The following LETM1 variants were observed in gnomAD, a reference collection of about 807,000 sequenced individuals.
LETM1 encodes the protein leucine zipper and EF-hand containing transmembrane protein 1.
In LETM1, 50 loss-of-function variants were observed where a neutral mutation model predicts 74.5. The ratio of observed to expected loss-of-function variants is 0.67; its 90% CI spans 0.53 to 0.85. The LOEUF (loss-of-function observed/expected upper bound fraction) is 0.85, where lower values mean the gene tolerates loss of function less well. LETM1 is among the 40% of genes least tolerant of loss of function. The pLI, the probability that LETM1 is intolerant of heterozygous loss-of-function variation, is 0.00. For missense variants in LETM1, 824 were observed against 967.8 expected, an observed-to-expected ratio of 0.85 and a Z score of 1.97; for synonymous variants, 446 against 407.1, an observed-to-expected ratio of 1.10 and a Z score of -1.15.
At chr4:1,848,317 G>C (rs1712951405) in intron 2 of LETM1, among the ~76,000 whole-genome samples, 1 of 152,126 alleles carries the variant, frequency 6.6e-6, no homozygotes, top group Non-Finnish European at 1.5e-5. Context: ...GGGAGGCCAT[G>C]GCGGGCGGAT....
chr4:1,825,836 G>A (rs984562684), intron 6 of LETM1, among the ~76,000 whole-genome samples, 153 bp from the exon 7 acceptor site: 7 of 152,178 alleles, frequency 4.6e-5, no homozygotes, highest in Non-Finnish European at 5.9e-5. Context: ...AGAAGTGACT[G>A]GAAGCCTGTG....
At chr4:1,826,221 A>G (rs1380660904) in intron 6 of LETM1, among the ~76,000 whole-genome samples, 2 of 152,234 alleles carry the variant, frequency 1.3e-5, no homozygotes, top group Non-Finnish European at 2.9e-5. Flanking sequence ...AAGTAATGAC[A>G]GCTACTGCTA....
At chr4:1,852,652 C>G (rs1211845784) in intron 1 of LETM1, among the ~76,000 whole-genome samples, 1 of 152,198 alleles carries the variant, frequency 6.6e-6, no homozygotes, top group Non-Finnish European at 1.5e-5. Context: ...CCCAAACTCA[C>G]GCCTGTAATC....
At chr4:1,815,567 C>T in intron 13 of LETM1, 97 bp downstream of exon 13, 1 of 1,398,430 alleles carries the variant, frequency 7.2e-7, no homozygotes, top group Non-Finnish European at 9.8e-7. Flanking sequence ...GGGGTAGCTG[C>T]CCAGGAGGGT....
intron 1 of LETM1, among the ~76,000 whole-genome samples, chr4:1,853,937 G>T (rs1713152161): frequency 6.6e-6 from 1 of 152,176 alleles, no homozygotes; most frequent in African/African-American, 2.4e-5. Flanking sequence ...GAAGACATTT[G>T]TGTTCCTGAA....
rs980534933 is a variant in LETM1, at chr4:1,849,306, C to A, written c.83-97G>T. On this transcript the variant is annotated intron_variant, in intron 1 of 13. Coordinates refer to ENST00000302787, the MANE Select transcript of LETM1 (RefSeq NM_012318.3). ...GGTTTTTGGAGTTTCGCTCTTGCGCCCAGGCTAGAGTGCAATGGCGTGATC... is the reference window on the plus strand; with the variant it reads ...GGTTTTTGGAGTTTCGCTCTTGCGCACAGGCTAGAGTGCAATGGCGTGATC... 20 of 858,974 alleles carry A rather than the reference C, an allele frequency of 2.3e-5. No homozygotes were observed. In the African/African-American group the frequency reaches 3.3e-4, roughly 14 times the overall value. 53.2% of individuals were successfully genotyped at this position (858,974 alleles called of 1,614,324 possible). A position where few individuals can be genotyped will look rare whatever the true frequency, so the allele number is the denominator to read the frequency against.
intron 8 of LETM1, 41 bp downstream of exon 8, chr4:1,823,603 T>C (rs1394156778): frequency 1.2e-6 from 2 of 1,610,276 alleles, no homozygotes; most frequent in South Asian, 2.2e-5. Flanking sequence ...CGGAGCCACC[T>C]ATGAAGAGAT....
At position 1,816,825 on chromosome 4, in the gene LETM1, C is replaced by A. The variant is rs201689850; in HGVS notation, c.1833G>T (p.Arg611Ser). The A allele has an allele frequency of 3.9e-5, 63 of 1,614,236 alleles. No individual in the cohort carries two copies. The highest frequency in any genetic ancestry group is 3.1e-5 in the Non-Finnish European group (37 of 1,180,018). ...CGATCTGCCCGATCATTTGCTGCAC[C>A]CTTTTTGTCAATCTCTTGCTGGCTT... Reference protein sequence around the residue: ...ESKASKRLTKRVQQMIGQIDG... With the variant: ...ESKASKRLTKSVQQMIGQIDG... Residue 611 changes from arginine (R) to serine (S), a missense_variant, in exon 12 of 14, where the codon AGG becomes AGT. By Grantham distance (110) the Arg-to-Ser change is moderately radical. This residue lies in a region of LETM1 where 161 missense variants were observed against 252.7 expected (regional missense o/e 0.64). Coordinates refer to ENST00000302787, the MANE Select transcript of LETM1 (RefSeq NM_012318.3).
intron 12 of LETM1, among the ~76,000 whole-genome samples, 167 bp downstream of exon 12, chr4:1,816,560 T>A (rs143069977): frequency 6.6e-6 from 1 of 152,100 alleles, no homozygotes; most frequent in East Asian, 1.9e-4. Context: ...GAGACTGACA[T>A]GCCAGAGGGT....
At chr4:1,831,764 G>T (rs1225850576) in intron 6 of LETM1, among the ~76,000 whole-genome samples, 1 of 152,242 alleles carries the variant, frequency 6.6e-6, no homozygotes, top group African/African-American at 2.4e-5. Flanking sequence ...GATGCAGGCA[G>T]GCTCTTCCTG....
chr4:1,834,302 C>T lies in LETM1; in HGVS notation c.876+543G>A, dbSNP rs994679633. ...TCCCTCAAGCCAACAACACCGGCCT[C>T]GTGAACCCCATCTAGTCCTCAGGGA... On this transcript the variant is annotated intron_variant, in intron 5 of 13. Transcript: ENST00000302787. The surrounding 1 kb of genome is among the most constrained non-coding windows in gnomAD (Gnocchi z 5.0). 1.0e-5 allele frequency: 8 copies of T among 794,444 alleles called. No individual in the cohort carries two copies. The highest frequency in any genetic ancestry group is 3.7e-5 in the African/African-American group (2 of 53,654). The allele number at this position is 794,444 out of a possible 1,614,324, so 49.2% of individuals were successfully genotyped here.
At chr4:1,835,481 A>T (rs1712433786) in intron 4 of LETM1, among the ~76,000 whole-genome samples, 1 of 134,538 alleles carries the variant, frequency 7.4e-6, no homozygotes, top group Admixed American at 6.8e-5. Context: ...ACAAACAAAC[A>T]AACAAAAACA....
At chr4:1,817,380 G>A (rs2108835262) in intron 11 of LETM1, among the ~76,000 whole-genome samples, 1 of 151,638 alleles carries the variant, frequency 6.6e-6, no homozygotes, top group Admixed American at 6.6e-5. Flanking sequence ...AACATAGCAA[G>A]ACTTTATCTC....
chr4:1,841,287 C>A, intron 3 of LETM1, 60 bp downstream of exon 3: 2 of 1,500,126 alleles, frequency 1.3e-6, no homozygotes, highest in Non-Finnish European at 9.1e-7. Flanking sequence ...TGCGCCACTG[C>A]ACTCCAGCCT....
At chr4:1,815,584 C>T (rs1315033459) in intron 13 of LETM1, 80 bp downstream of exon 13, 1 of 1,522,842 alleles carries the variant, frequency 6.6e-7, no homozygotes, top group African/African-American at 1.4e-5. Flanking sequence ...GGGTGCCGGA[C>T]ATGCAATGAA....
chr4:1,832,087 G>A (rs1266383952), intron 6 of LETM1, among the ~76,000 whole-genome samples: 2 of 152,132 alleles, frequency 1.3e-5, no homozygotes, highest in African/African-American at 2.4e-5. Context: ...GATCGCTTGA[G>A]GTCCAGAGTT....
intron 6 of LETM1, 66 bp from the exon 7 acceptor site, chr4:1,825,749 C>A: frequency 6.6e-7 from 1 of 1,523,390 alleles, no homozygotes. Context: ...TCTGTGTGAA[C>A]ACCCTCCAGA....
At chr4:1,855,019 TCTACAAAAAAA>T (rs1339500585) in intron 1 of LETM1, among the ~76,000 whole-genome samples, 2 of 151,584 alleles carry the variant, frequency 1.3e-5, no homozygotes, top group Non-Finnish European at 2.9e-5. Flanking sequence ...AGACCCTGTC[TCTACAAAAAAA>T]CTACAAAAAA....
At chr4:1,820,793 G>A (rs185832144) in intron 10 of LETM1, among the ~76,000 whole-genome samples, 5 of 152,218 alleles carry the variant, frequency 3.3e-5, no homozygotes, top group East Asian at 1.9e-4. Context: ...GGAGGTCGAG[G>A]TGGGAGGATC....
Sources: gnomAD v4.1 joint callset for allele counts (sites outside exome capture counted in the v4.1 genomes callset) on GRCh38, gnomAD v4.1.1 for gene constraint, gnomAD v4.1.1 regional missense constraint, Gnocchi (gnomAD v3.1) non-coding constraint, MANE v1.5 for transcripts, NCBI Gene and HGNC (gene_info 2026-07-23, HGNC 2026-07-21) for gene names.